Variants in CCDC178 observed in about 807,000 individuals in gnomAD.
CCDC178 encodes coiled-coil domain-containing protein 178.
A neutral mutation model predicts 117.4 loss-of-function variants in CCDC178; 126 were observed. The ratio of observed to expected loss-of-function variants is 1.07; its 90% CI spans 0.93 to 1.24. The LOEUF (loss-of-function observed/expected upper bound fraction) is 1.24. Ranked by LOEUF, CCDC178 falls within the 50% of genes most tolerant of loss-of-function variation. The pLI is 0.00. For missense variants in CCDC178, 1,030 were observed against 986.9 expected (o/e 1.04, Z -0.59); for synonymous variants, 283 against 313.4 (o/e 0.90, Z 1.02).
intron 3 of CCDC178, among the ~76,000 whole-genome samples, chr18:33,407,769 T>A (rs1218460387): frequency 2.6e-5 from 4 of 152,004 alleles, no homozygotes; most frequent in African/African-American, 9.6e-5. Flanking sequence ...TGAGTAGTAC[T>A]AAGGCCAATA....
At chr18:33,254,251 A>AACACACACAC (rs34689445) in intron 14 of CCDC178, among the ~76,000 whole-genome samples, 28 of 135,460 alleles carry the variant, frequency 2.1e-4, no homozygotes, top group African/African-American at 5.5e-4. Flanking sequence ...TCTATTGAGA[A>AACACACACAC]ACACACACAC....
At chr18:33,067,205 T>C (rs575102892) in intron 21 of CCDC178, among the ~76,000 whole-genome samples, 1 of 152,286 alleles carries the variant, frequency 6.6e-6, no homozygotes, top group Non-Finnish European at 1.5e-5. Context: ...AGATGAACTT[T>C]GGAAACTGTG....
intron 21 of CCDC178, among the ~76,000 whole-genome samples, chr18:33,046,363 A>G (rs113642463): frequency 0.01 from 1,572 of 152,228 alleles, 34 homozygotes; most frequent in African/African-American, 0.036. Context: ...CTGATCACCC[A>G]CCTTTTTTCC....
At chr18:33,204,301 T>C (rs940895801) in intron 20 of CCDC178, among the ~76,000 whole-genome samples, 9 of 152,098 alleles carry the variant, frequency 5.9e-5, no homozygotes, top group Non-Finnish European at 1.3e-4. Flanking sequence ...TTTTTGATAT[T>C]GTAAATGAAC....
chr18:32,994,490 TTAAGTC>T (rs1426778616), intron 21 of CCDC178, among the ~76,000 whole-genome samples: 2 of 152,196 alleles, frequency 1.3e-5, no homozygotes, highest in Admixed American at 1.3e-4. Context: ...ACCTATATTA[TTAAGTC>T]TAAATTCCAC....
intron 11 of CCDC178, among the ~76,000 whole-genome samples, chr18:33,306,892 A>T (rs1394037934): frequency 6.6e-6 from 1 of 152,032 alleles, no homozygotes; most frequent in Non-Finnish European, 1.5e-5. Flanking sequence ...TGATTTTATA[A>T]GGGGCTTCCT....
intron 7 of CCDC178, among the ~76,000 whole-genome samples, chr18:33,353,705 T>C (rs1351689208): frequency 1.3e-5 from 2 of 152,152 alleles, no homozygotes; most frequent in Non-Finnish European, 2.9e-5. Context: ...CTTTCTCTTA[T>C]GGTGTCAATT....
intron 21 of CCDC178, among the ~76,000 whole-genome samples, chr18:33,033,904 A>G (rs995821160): frequency 6.6e-6 from 1 of 151,904 alleles, no homozygotes; most frequent in Admixed American, 6.6e-5. Flanking sequence ...TTACACATCG[A>G]CAGAACCCAA....
At chr18:33,440,833 G>T, upstream of CCDC178, 1 of 153,316 alleles carries the variant, frequency 6.5e-6, no homozygotes, top group South Asian at 1.8e-4. Flanking sequence ...CTTAGCCCCC[G>T]ACTCCCGGCG....
chr18:33,363,374 A>G lies in CCDC178; in HGVS notation c.348+6676T>C, dbSNP rs201222313. On this transcript the variant is annotated intron_variant, in intron 6 of 22. Transcript: ENST00000383096. ...TATAAGAAGCAGGAAGAAGTCTGAG[A>G]TAGGAACTCAGATCCATTTTCTACA... is the stretch of plus-strand genomic sequence containing the variant. Among the ~76,000 whole-genome samples, 15 of 152,178 alleles carry G rather than the reference A, an allele frequency of 9.9e-5. No individual in the cohort carries two copies. The East Asian group carries it at 2.9e-3, about 29-fold the overall frequency.
intron 18 of CCDC178, among the ~76,000 whole-genome samples, chr18:33,218,236 GCTTA>G (rs2059191068): frequency 6.6e-6 from 1 of 152,036 alleles, no homozygotes; most frequent in Non-Finnish European, 1.5e-5. Context: ...AATATTGGCT[GCTTA>G]AATGTCTTCC....
At chr18:33,284,415 G>C (rs1188836390) in intron 12 of CCDC178, among the ~76,000 whole-genome samples, 3 of 152,044 alleles carry the variant, frequency 2.0e-5, no homozygotes, top group Admixed American at 2.0e-4. Context: ...AAACTCTAAA[G>C]CTTTTAAAAT....
intron 21 of CCDC178, among the ~76,000 whole-genome samples, chr18:33,067,237 A>G (rs756529957): frequency 1.3e-5 from 2 of 152,206 alleles, no homozygotes; most frequent in Non-Finnish European, 2.9e-5. Flanking sequence ...AAATTAAACA[A>G]CAAGATCTTG....
At chr18:33,173,593 A>G (rs1214496037) in intron 20 of CCDC178, among the ~76,000 whole-genome samples, 1 of 152,198 alleles carries the variant, frequency 6.6e-6, no homozygotes, top group Admixed American at 6.5e-5. Context: ...TGTTTCCTGC[A>G]TAAGCATTCT....
chr18:33,342,378 A>G (rs1299096035), intron 9 of CCDC178, among the ~76,000 whole-genome samples: 2 of 152,238 alleles, frequency 1.3e-5, no homozygotes, highest in Admixed American at 1.3e-4. Context: ...TAAGCAAGAT[A>G]TGATAGATAT....
At chr18:33,360,587 T>C (rs2063111760) in intron 6 of CCDC178, among the ~76,000 whole-genome samples, 1 of 151,564 alleles carries the variant, frequency 6.6e-6, no homozygotes, top group African/African-American at 2.4e-5. Context: ...TATTTGCAGA[T>C]GACATGATCC....
chr18:33,154,660 T>G (rs898994423), intron 20 of CCDC178, among the ~76,000 whole-genome samples: 1 of 152,218 alleles, frequency 6.6e-6, no homozygotes, highest in African/African-American at 2.4e-5. Context: ...TGAGATGAAC[T>G]TTATATATAA....
rs746047988 is a variant in CCDC178, at chr18:33,349,015, A to C, written c.372-40T>G. On this transcript the variant is annotated intron_variant, in intron 7 of 22. Transcript: ENST00000383096. The stretch of plus-strand genomic sequence containing the variant: ...AGAAGCAAGCAGTAAAGAAGTACTT[A>C]AAGTTAGTAAAACAAATTTTAGGTT... The C allele has an allele frequency of 7.6e-6, 10 of 1,312,208 alleles. No individual in the cohort carries two copies. In the Admixed American group the frequency reaches 1.9e-4, roughly 25 times the overall value. 81.3% of individuals were successfully genotyped at this position (1,312,208 alleles called of 1,614,324 possible). A position where few individuals can be genotyped will look rare whatever the true frequency, so the allele number is the denominator to read the frequency against.
intron 20 of CCDC178, among the ~76,000 whole-genome samples, chr18:33,119,748 C>T (rs555378561): frequency 1.4e-4 from 22 of 152,196 alleles, no homozygotes; most frequent in South Asian, 4.2e-4. Flanking sequence ...ATGTTTATTG[C>T]GGCACTATTC....
Sources: gnomAD v4.1 joint callset for allele counts (sites outside exome capture counted in the v4.1 genomes callset) on GRCh38, gnomAD v4.1.1 for gene constraint, MANE v1.5 for transcripts, NCBI Gene and HGNC (gene_info 2026-07-23, HGNC 2026-07-21) for gene names.